Variants in TOX2 observed in about 807,000 individuals in gnomAD.
The protein encoded by TOX2 is granulosa cell HMG box 1.
In TOX2, 15 loss-of-function variants were observed where a neutral mutation model predicts 47.4. That is an observed-to-expected ratio of 0.32 (90% CI 0.21 to 0.49). The LOEUF (loss-of-function observed/expected upper bound fraction) is 0.49, where lower values mean the gene tolerates loss of function less well. TOX2 is among the 20% of genes least tolerant of loss of function. TOX2 has a pLI of 0.99. For missense variants in TOX2, 622 were observed against 673.1 expected, an observed-to-expected ratio of 0.92 and a Z score of 0.84; for synonymous variants, 290 against 296.6, an observed-to-expected ratio of 0.98 and a Z score of 0.23.
intron 3 of TOX2, chr20:44,039,253 C>T: frequency 7.8e-7 from 1 of 1,289,450 alleles, no homozygotes; most frequent in Admixed American, 2.3e-5. Context: ...GAGGATGACA[C>T]AGAGGGCAGG....
At chr20:44,039,393 C>A (rs1033568632) in intron 3 of TOX2, among the ~76,000 whole-genome samples, 1 of 152,070 alleles carries the variant, frequency 6.6e-6, no homozygotes, top group East Asian at 1.9e-4. Context: ...TAAGTGGGCC[C>A]CTGGGAGCTG....
chr20:43,934,514 A>G (rs1486713599), intron 1 of TOX2, among the ~76,000 whole-genome samples: 2 of 152,114 alleles, frequency 1.3e-5, no homozygotes, highest in African/African-American at 4.8e-5. Context: ...GGACCATACC[A>G]CATAGGGAGG....
At chr20:43,932,901 C>G (rs1209898247) in intron 1 of TOX2, among the ~76,000 whole-genome samples, 4 of 152,186 alleles carry the variant, frequency 2.6e-5, no homozygotes, top group Non-Finnish European at 5.9e-5. Context: ...GCCCCTCTTT[C>G]TAACACCTTC....
chr20:44,052,609 ACT>A (rs1192523222), intron 4 of TOX2, among the ~76,000 whole-genome samples: 4 of 152,138 alleles, frequency 2.6e-5, no homozygotes, highest in Non-Finnish European at 5.9e-5. Flanking sequence ...TTTAACAAAC[ACT>A]CTCTATGGGC....
chr20:44,023,053 T>C (rs1474207137), intron 3 of TOX2, among the ~76,000 whole-genome samples: 1 of 148,054 alleles, frequency 6.8e-6, no homozygotes, highest in African/African-American at 2.5e-5. Flanking sequence ...GACCATGATA[T>C]AGGTCTGAAA....
intron 2 of TOX2, among the ~76,000 whole-genome samples, chr20:43,998,720 CATCTATCTATCT>C (rs34142021): frequency 2.3e-3 from 139 of 60,966 alleles, no homozygotes; most frequent in South Asian, 6.7e-3. Flanking sequence ...TGGCCTGATA[CATCTATCTATCT>C]ATCTATCTAT....
chr20:44,023,431 G>GAAAAAAAAAAA (rs35627597), intron 3 of TOX2, among the ~76,000 whole-genome samples: 1 of 119,148 alleles, frequency 8.4e-6, no homozygotes, highest in African/African-American at 3.4e-5. Flanking sequence ...CTTTATCTCA[G>GAAAAAAAAAAA]AAAAAAAAAA....
At chr20:43,988,639 C>T (rs552806104) in intron 2 of TOX2, among the ~76,000 whole-genome samples, 4 of 152,296 alleles carry the variant, frequency 2.6e-5, no homozygotes, top group South Asian at 2.1e-4. Flanking sequence ...CTGTGGGTTT[C>T]GTGGGGGCAG....
At chr20:44,038,809 A>G (rs1297489351) in intron 3 of TOX2, among the ~76,000 whole-genome samples, 3 of 152,180 alleles carry the variant, frequency 2.0e-5, no homozygotes, top group Admixed American at 2.0e-4. Flanking sequence ...GTGGGGTTAC[A>G]CTAAGCACAC....
intron 2 of TOX2, among the ~76,000 whole-genome samples, chr20:43,977,448 T>C (rs1404102408): frequency 2.0e-5 from 3 of 152,234 alleles, no homozygotes; most frequent in Non-Finnish European, 4.4e-5. Context: ...TGTTCTTTAA[T>C]GTAACACTTC....
intron 1 of TOX2, chr20:43,945,943 G>A (rs760996169): frequency 1.2e-6 from 2 of 1,613,850 alleles, no homozygotes; most frequent in South Asian, 2.2e-5. Context: ...GGCTGTCGCG[G>A]GCGCGTTCTC....
intron 2 of TOX2, among the ~76,000 whole-genome samples, chr20:43,996,893 C>T (rs531316569): frequency 6.6e-6 from 1 of 152,240 alleles, no homozygotes; most frequent in East Asian, 1.9e-4. Context: ...AGAGTTACAG[C>T]ACCTCATGTT....
At chr20:44,003,557 T>C (rs1462264011) in intron 2 of TOX2, among the ~76,000 whole-genome samples, 2 of 152,220 alleles carry the variant, frequency 1.3e-5, no homozygotes, top group Non-Finnish European at 2.9e-5. Context: ...GCAAAACTCA[T>C]GTTAAATATC....
intron 3 of TOX2, among the ~76,000 whole-genome samples, chr20:44,046,395 T>C (rs918485843): frequency 2.0e-5 from 3 of 152,118 alleles, no homozygotes; most frequent in Non-Finnish European, 4.4e-5. Context: ...TGGAAAACAG[T>C]ATGGTGGTTT....
At chr20:43,933,080 C>T (rs916967880) in intron 1 of TOX2, among the ~76,000 whole-genome samples, 3 of 152,192 alleles carry the variant, frequency 2.0e-5, no homozygotes, top group Non-Finnish European at 4.4e-5. Context: ...TAGAGCTCAA[C>T]AGAAGGGTGA....
At chr20:43,993,846 A>T (rs113701733) in intron 2 of TOX2, among the ~76,000 whole-genome samples, 1 of 152,186 alleles carries the variant, frequency 6.6e-6, no homozygotes, top group African/African-American at 2.4e-5. Flanking sequence ...GCAGTTGGAT[A>T]TGTAGCTATA....
intron 1 of TOX2, among the ~76,000 whole-genome samples, chr20:43,924,097 T>C (rs1483184780): frequency 2.0e-5 from 3 of 152,148 alleles, no homozygotes; most frequent in Non-Finnish European, 4.4e-5. Flanking sequence ...AAGGGCGAGC[T>C]GCAAGCCCAG....
rs775632756 is a variant in TOX2 at position 44,054,334 on chromosome 20, A to G, written c.687A>G (p.Gly229=). The G allele has an allele frequency of 1.2e-6, 2 of 1,611,472 alleles. No homozygotes were observed. Among genetic ancestry groups the G allele is most frequent in the South Asian group, 1.1e-5 (1 of 90,788 alleles). ...SGEKRPSADP[G]KKAKNPKKKK... ...AAAAGAGACCTTCAGCCGACCCAGG[A>G]AAAAAGGCCAAGAACCCGAAGAAGA... The change falls in exon 5 of 9, where the codon GGA becomes GGG. Residue 229 remains glycine, a synonymous_variant. Transcript: ENST00000341197.
At chr20:44,049,231 G>C (rs941166733) in intron 3 of TOX2, among the ~76,000 whole-genome samples, 1 of 152,154 alleles carries the variant, frequency 6.6e-6, no homozygotes, top group Non-Finnish European at 1.5e-5. Context: ...GAGCCAAAAA[G>C]GTAAGGAATC....
Sources: allele counts gnomAD v4.1 joint callset (sites outside exome capture counted in the v4.1 genomes callset), GRCh38; gene constraint gnomAD v4.1.1; transcripts MANE v1.5; gene names NCBI Gene and HGNC (gene_info 2026-07-23, HGNC 2026-07-21).